Variants in NOL4 observed in about 807,000 individuals in gnomAD.
NOL4 encodes the protein nucleolar protein 4.
A neutral mutation model predicts 75.9 loss-of-function variants in NOL4; 17 were observed. The observed-to-expected ratio is 0.22, with a 90% confidence interval of 0.15 to 0.34. NOL4 has a LOEUF of 0.34. Among genes scored for constraint, NOL4 ranks in the 10% least tolerant of loss-of-function variants. The probability of loss-of-function intolerance (pLI) is 1.00; values close to 1 mark genes in which losing one functional copy is unlikely to be tolerated. For synonymous variants in NOL4, 292 were observed against 289.9 expected (o/e 1.01, Z -0.07); for missense variants, 614 against 793.5 (o/e 0.77, Z 2.72).
intron 6 of NOL4, among the ~76,000 whole-genome samples, chr18:33,977,264 T>C (rs1272359257): frequency 6.6e-6 from 1 of 152,150 alleles, no homozygotes; most frequent in Non-Finnish European, 1.5e-5. Context: ...CCTAGTGATA[T>C]TTGGCTGTGT....
rs184169047 is a variant in NOL4, at chr18:33,866,917, A to C, written c.1724-13882T>G. ...GGAAGCAATCCCTAAAACCAGAAAG[A>C]ATAAAGCATGAATTTATTATTCTTC... On this transcript the variant is annotated intron_variant, in intron 10 of 10. Coordinates refer to ENST00000261592, the MANE Select transcript of NOL4 (RefSeq NM_003787.5). 2.9e-3 allele frequency among the ~76,000 whole-genome samples: 449 copies of C among 152,268 alleles called. 4 individuals carry two copies. Among genetic ancestry groups the C allele is most frequent in the Admixed American group, 4.8e-3 (73 of 15,282 alleles).
At chr18:34,181,057 G>C (rs1053276611) in intron 1 of NOL4, among the ~76,000 whole-genome samples, 2 of 150,962 alleles carry the variant, frequency 1.3e-5, no homozygotes, top group African/African-American at 4.9e-5. Flanking sequence ...TTTGGAAGGA[G>C]GCCAAAAATT....
intron 4 of NOL4, among the ~76,000 whole-genome samples, chr18:34,102,864 T>C (rs2079105767): frequency 6.6e-6 from 1 of 152,038 alleles, no homozygotes; most frequent in Non-Finnish European, 1.5e-5. Context: ...ATTGATATCT[T>C]TAACCCAATG....
intron 5 of NOL4, among the ~76,000 whole-genome samples, chr18:34,036,855 C>T (rs903434829): frequency 3.9e-5 from 6 of 152,130 alleles, no homozygotes; most frequent in Non-Finnish European, 5.9e-5. Flanking sequence ...TCGCTTGAAC[C>T]CGAGAGGTGG....
At chr18:33,876,253 A>G (rs2063928686) in intron 10 of NOL4, among the ~76,000 whole-genome samples, 1 of 152,110 alleles carries the variant, frequency 6.6e-6, no homozygotes, top group Non-Finnish European at 1.5e-5. Context: ...TTTGTTTTAA[A>G]GGTTCTGGAA....
chr18:34,081,275 T>C (rs1600515642), intron 5 of NOL4, among the ~76,000 whole-genome samples: 1 of 152,308 alleles, frequency 6.6e-6, no homozygotes, highest in Non-Finnish European at 1.5e-5. Context: ...CTTTTGAAGT[T>C]TGGCATTTTA....
chr18:33,940,145 G>A (rs886349471), intron 9 of NOL4, among the ~76,000 whole-genome samples: 5 of 151,956 alleles, frequency 3.3e-5, no homozygotes, highest in East Asian at 1.9e-4. Context: ...ACAATGTGGC[G>A]ATTCTTCAAG....
intron 6 of NOL4, among the ~76,000 whole-genome samples, chr18:33,984,177 C>T (rs1378437338): frequency 6.6e-6 from 1 of 151,954 alleles, no homozygotes; most frequent in Non-Finnish European, 1.5e-5. Flanking sequence ...ATTTCTTTAC[C>T]AACAAACGAA....
chr18:34,089,261 CT>C (rs1266631858), intron 5 of NOL4, among the ~76,000 whole-genome samples: 2 of 151,906 alleles, frequency 1.3e-5, no homozygotes, highest in Non-Finnish European at 2.9e-5. Flanking sequence ...ATCTTAATCA[CT>C]TAATGTTAAA....
Position 33,957,472 on chromosome 18 carries a change from G to T in NOL4, c.1282C>A (p.Pro428Thr). 6.2e-7 allele frequency: 1 copy of T among 1,613,424 alleles called. No individual in the cohort carries two copies. Among genetic ancestry groups the T allele is most frequent in the Non-Finnish European group, 8.5e-7 (1 of 1,179,698 alleles). ...FVDENLDRMVPISKQPKEKIQ... is the reference protein window; with the variant it reads ...FVDENLDRMVTISKQPKEKIQ... The stretch of plus-strand genomic sequence containing the variant: ...TTTTCTTTGGGCTGCTTAGAGATTG[G>T]GACCATTCGGTCCAAGTTTTCATCT... Residue 428 changes from proline (P) to threonine (T), a missense_variant, in exon 8 of 11, where the codon CCA becomes ACA. Physicochemically the swap from Pro to Thr is conservative, Grantham distance 38. Coordinates refer to ENST00000261592, the MANE Select transcript of NOL4 (RefSeq NM_003787.5).
chr18:34,223,111 G>A lies in NOL4; in HGVS notation c.143C>T (p.Thr48Met). The change falls in exon 1 of 11, where the codon ACG becomes ATG. Residue 48 changes from threonine to methionine, a missense_variant. Physicochemically the swap from Thr to Met is moderately conservative, Grantham distance 81 (BLOSUM62 -1). Transcript: ENST00000261592. Reference sequence around the variant, plus strand: ...CCAGAATTTAAATTTGGCGTTGTCCGTGGAGCTCGACTCGGAGCCATTGAG... The same window carrying A: ...CCAGAATTTAAATTTGGCGTTGTCCATGGAGCTCGACTCGGAGCCATTGAG... Reference protein sequence around the residue: ...QLLNGSESSSTDNAKFKFWVK... With the variant: ...QLLNGSESSSMDNAKFKFWVK... The A allele has an allele frequency of 6.2e-7, 1 of 1,614,146 alleles. No individual in the cohort carries two copies. The highest frequency in any genetic ancestry group is 8.5e-7 in the Non-Finnish European group (1 of 1,180,036).
intron 5 of NOL4, among the ~76,000 whole-genome samples, chr18:34,038,534 T>C (rs570126416): frequency 6.6e-6 from 1 of 152,140 alleles, no homozygotes; most frequent in African/African-American, 2.4e-5. Context: ...TACATATACA[T>C]AGTAGAATAT....
chr18:34,216,446 T>C (rs1386770745), intron 1 of NOL4, among the ~76,000 whole-genome samples: 1 of 151,714 alleles, frequency 6.6e-6, no homozygotes, highest in East Asian at 1.9e-4. Context: ...AGGAAAAAAA[T>C]GATAAACTGT....
chr18:34,188,891 C>A (rs1458756626), intron 1 of NOL4, among the ~76,000 whole-genome samples: 1 of 152,046 alleles, frequency 6.6e-6, no homozygotes, highest in Non-Finnish European at 1.5e-5. Flanking sequence ...AGGTACATGA[C>A]CTCAATGTTT....
intron 1 of NOL4, among the ~76,000 whole-genome samples, chr18:34,136,583 G>A (rs1013550827): frequency 7.3e-5 from 11 of 151,656 alleles, no homozygotes; most frequent in African/African-American, 2.7e-4. Context: ...CTTTTATAAG[G>A]GTTTCAAAAC....
intron 1 of NOL4, among the ~76,000 whole-genome samples, chr18:34,189,260 C>A (rs1936856581): frequency 6.6e-6 from 1 of 152,086 alleles, no homozygotes; most frequent in South Asian, 2.1e-4. Flanking sequence ...ATATTAATAA[C>A]CACCTGATCT....
intron 5 of NOL4, among the ~76,000 whole-genome samples, chr18:34,034,694 T>A (rs929564729): frequency 6.6e-6 from 1 of 151,972 alleles, no homozygotes; most frequent in Non-Finnish European, 1.5e-5. Context: ...GAGTGGAGAT[T>A]GCGCCACTGT....
At chr18:33,861,718 T>C (rs964476558) in intron 10 of NOL4, among the ~76,000 whole-genome samples, 6 of 152,106 alleles carry the variant, frequency 3.9e-5, no homozygotes, top group East Asian at 1.9e-4. Flanking sequence ...ATAAGGGACA[T>C]GAAGGACCTC....
intron 4 of NOL4, among the ~76,000 whole-genome samples, chr18:34,099,948 G>C (rs1268423321): frequency 6.6e-6 from 1 of 151,558 alleles, no homozygotes; most frequent in Middle Eastern, 3.2e-3. Flanking sequence ...CCATTTTCCT[G>C]GTCAATTCAC....
Sources: gnomAD v4.1 joint callset for allele counts (sites outside exome capture counted in the v4.1 genomes callset) on GRCh38, gnomAD v4.1.1 for gene constraint, MANE v1.5 for transcripts, NCBI Gene and HGNC (gene_info 2026-07-23, HGNC 2026-07-21) for gene names.